GADL1: variants seen among roughly 807,000 people sequenced by gnomAD.
GADL1 encodes the protein acidic amino acid decarboxylase GADL1.
In GADL1, 71 loss-of-function variants were observed where a neutral mutation model predicts 69.5. That is an observed-to-expected ratio of 1.02 (90% CI 0.84 to 1.25). The LOEUF is 1.25. GADL1 is among the 50% of genes most tolerant of loss of function. The pLI is 0.00. For synonymous variants in GADL1, 254 were observed against 214.4 expected (o/e 1.18, Z -1.62); for missense variants, 737 against 631.8 (o/e 1.17, Z -1.79).
chr3:30,890,364 C>A (rs561831023), intron 1 of GADL1, among the ~76,000 whole-genome samples: 1 of 152,102 alleles, frequency 6.6e-6, no homozygotes, highest in African/African-American at 2.4e-5. Context: ...TGTTCCATAC[C>A]CTCATAGACA....
intron 11 of GADL1, among the ~76,000 whole-genome samples, chr3:30,820,405 A>G (rs1697552021): frequency 6.6e-6 from 1 of 152,152 alleles, no homozygotes; most frequent in Admixed American, 6.6e-5. Context: ...GCTAGATATT[A>G]GAATGAAAAA....
At chr3:30,778,473 A>G (rs919190305) in intron 13 of GADL1, among the ~76,000 whole-genome samples, 3 of 152,212 alleles carry the variant, frequency 2.0e-5, no homozygotes. Context: ...TGCACCTAGC[A>G]GGTTCTCTTT....
chr3:30,839,538 CAG>C (rs1485461006), intron 8 of GADL1, among the ~76,000 whole-genome samples: 4 of 60,544 alleles, frequency 6.6e-5, no homozygotes, highest in Non-Finnish European at 1.1e-4. Context: ...GGTTGGAAGA[CAG>C]AGCTCCCGGA....
At chr3:30,783,249 GATAAAAA>G (rs1466006535) in intron 13 of GADL1, among the ~76,000 whole-genome samples, 1 of 152,060 alleles carries the variant, frequency 6.6e-6, no homozygotes, top group Non-Finnish European at 1.5e-5. Flanking sequence ...TCTCCCAAGA[GATAAAAA>G]ATAAAATATG....
intron 14 of GADL1, among the ~76,000 whole-genome samples, chr3:30,775,342 T>C (rs1271672932): frequency 1.3e-5 from 2 of 152,232 alleles, no homozygotes; most frequent in African/African-American, 4.8e-5. Context: ...TTTGTGATTC[T>C]CTATCCAAGA....
chr3:30,792,909 C>T (rs983058195), intron 12 of GADL1, among the ~76,000 whole-genome samples: 3 of 152,046 alleles, frequency 2.0e-5, no homozygotes, highest in Non-Finnish European at 2.9e-5. Flanking sequence ...ACCAATGTTC[C>T]CAGATTGAAC....
chr3:30,846,834 C>T (rs957336531), intron 6 of GADL1, among the ~76,000 whole-genome samples: 1 of 152,118 alleles, frequency 6.6e-6, no homozygotes, highest in African/African-American at 2.4e-5. Flanking sequence ...CAACCTCAGC[C>T]CTCACCCAGC....
intron 1 of GADL1, among the ~76,000 whole-genome samples, chr3:30,885,080 T>C (rs1019363877): frequency 6.6e-6 from 1 of 152,090 alleles, no homozygotes; most frequent in Admixed American, 6.6e-5. Context: ...TTGATCAAGA[T>C]GATCATTTGT....
intron 8 of GADL1, among the ~76,000 whole-genome samples, chr3:30,843,796 C>A (rs1044734987): frequency 6.6e-6 from 1 of 152,132 alleles, no homozygotes; most frequent in African/African-American, 2.4e-5. Context: ...AATCAAAAAT[C>A]ACCCTGAATA....
At chr3:30,769,336 T>C (rs950547556) in intron 14 of GADL1, among the ~76,000 whole-genome samples, 3 of 152,118 alleles carry the variant, frequency 2.0e-5, no homozygotes, top group African/African-American at 4.8e-5. Context: ...TGTATCCTTA[T>C]CTGTTAGGAT....
At chr3:30,888,227 G>C (rs995520242) in intron 1 of GADL1, among the ~76,000 whole-genome samples, 1 of 152,086 alleles carries the variant, frequency 6.6e-6, no homozygotes, top group Admixed American at 6.5e-5. Flanking sequence ...TCAGGATGCT[G>C]GTTACTTATA....
chr3:30,789,054 G>A (rs987564726), intron 12 of GADL1, among the ~76,000 whole-genome samples: 1 of 152,152 alleles, frequency 6.6e-6, no homozygotes, highest in Non-Finnish European at 1.5e-5. Context: ...GTGTATAAAA[G>A]GGTAAACCCA....
chr3:30,835,281 A>G (rs1697855839), intron 9 of GADL1, among the ~76,000 whole-genome samples: 1 of 152,130 alleles, frequency 6.6e-6, no homozygotes, highest in African/African-American at 2.4e-5. Context: ...TGAGGGTGAC[A>G]GAGATGCTTT....
chr3:30,878,069 A>G (rs964716161), intron 1 of GADL1, among the ~76,000 whole-genome samples: 5 of 151,870 alleles, frequency 3.3e-5, no homozygotes, highest in Non-Finnish European at 5.9e-5. Context: ...TGATATGCAC[A>G]AAAGGGAACC....
chr3:30,869,969 G>T (rs1381812119), intron 1 of GADL1, among the ~76,000 whole-genome samples: 3 of 151,858 alleles, frequency 2.0e-5, no homozygotes, highest in South Asian at 4.1e-4. Context: ...GAAGGGTATT[G>T]TTTCTCAATG....
intron 1 of GADL1, among the ~76,000 whole-genome samples, chr3:30,864,750 T>C (rs1001607221): frequency 3.3e-5 from 5 of 151,950 alleles, no homozygotes; most frequent in Admixed American, 6.6e-5. Context: ...CTTAATGAAG[T>C]CTTTCAATTT....
At chr3:30,868,793 T>A (rs1210586377) in intron 1 of GADL1, among the ~76,000 whole-genome samples, 4 of 151,842 alleles carry the variant, frequency 2.6e-5, no homozygotes. Flanking sequence ...CTTTAATTGT[T>A]CAGAGCAAGT....
intron 13 of GADL1, among the ~76,000 whole-genome samples, chr3:30,782,260 C>T (rs1696681911): frequency 6.6e-6 from 1 of 152,026 alleles, no homozygotes; most frequent in African/African-American, 2.4e-5. Context: ...AGCAGTGTGG[C>T]AGTTAGGCTG....
intron 1 of GADL1, among the ~76,000 whole-genome samples, chr3:30,882,100 T>G (rs1300066510): frequency 2.0e-5 from 3 of 151,904 alleles, no homozygotes; most frequent in Non-Finnish European, 4.4e-5. Flanking sequence ...TCTAAATAGT[T>G]TTACACACTT....
Sources: gnomAD v4.1 joint callset for allele counts (sites outside exome capture counted in the v4.1 genomes callset) on GRCh38, gnomAD v4.1.1 for gene constraint, MANE v1.5 for transcripts, NCBI Gene and HGNC (gene_info 2026-07-23, HGNC 2026-07-21) for gene names.